CFAP54: variants seen among roughly 807,000 people sequenced by gnomAD.
The protein encoded by CFAP54 is cilia- and flagella-associated protein 54.
Under a neutral mutation model 370.4 loss-of-function variants are expected in CFAP54, and 290 were observed. The observed-to-expected ratio is 0.78, with a 90% CI of 0.71 to 0.86. The LOEUF is 0.86. CFAP54 is among the 40% of genes least tolerant of loss of function. CFAP54 has a pLI of 0.00. For missense variants in CFAP54, 3,399 were observed against 3,528.7 expected, an observed-to-expected ratio of 0.96 and a Z score of 0.93; for synonymous variants, 1,206 against 1,236.5, an observed-to-expected ratio of 0.98 and a Z score of 0.52.
intron 19 of CFAP54, among the ~76,000 whole-genome samples, chr12:96,574,717 G>A (rs1003278565): frequency 6.6e-6 from 1 of 151,996 alleles, no homozygotes; most frequent in African/African-American, 2.4e-5. Context: ...GAAAAAGACA[G>A]TATTATTACA....
At chr12:96,756,221 T>C (rs1349446431) in intron 56 of CFAP54, among the ~76,000 whole-genome samples, 2 of 152,238 alleles carry the variant, frequency 1.3e-5, no homozygotes, top group Non-Finnish European at 1.5e-5. Flanking sequence ...ACCAGTTGTG[T>C]AGGGCAAGCC....
intron 55 of CFAP54, among the ~76,000 whole-genome samples, chr12:96,744,892 C>T (rs1031889557): frequency 2.0e-5 from 3 of 152,100 alleles, no homozygotes; most frequent in African/African-American, 7.2e-5. Flanking sequence ...CATTCCCCCT[C>T]GACGTGTCCA....
At chr12:96,824,246 A>G (rs1959062655) in intron 65 of CFAP54, among the ~76,000 whole-genome samples, 1 of 151,862 alleles carries the variant, frequency 6.6e-6, no homozygotes, top group Admixed American at 6.6e-5. Flanking sequence ...CACAGCCCCA[A>G]CCTCCAGTCA....
chr12:96,621,339 G>A (rs1266159441), intron 26 of CFAP54, among the ~76,000 whole-genome samples: 3 of 152,190 alleles, frequency 2.0e-5, no homozygotes, highest in African/African-American at 7.2e-5. Context: ...GTGGCCCAGA[G>A]ATATGGGAAG....
chr12:96,693,610 A>C, intron 44 of CFAP54, 112 bp from the exon 45 acceptor site: 1 of 631,248 alleles, frequency 1.6e-6, no homozygotes, highest in South Asian at 2.3e-5. Context: ...CTAGCATGGA[A>C]AGCAAATCAG....
chr12:96,718,248 A>C (rs527450976), intron 48 of CFAP54, among the ~76,000 whole-genome samples, 195 bp from the exon 49 acceptor site: 1 of 151,928 alleles, frequency 6.6e-6, no homozygotes, highest in Non-Finnish European at 1.5e-5. Context: ...AGTCCCAGCT[A>C]CTCGGGAGGC....
chr12:96,829,628 A>G (rs1387003115), intron 66 of CFAP54, among the ~76,000 whole-genome samples: 1 of 152,018 alleles, frequency 6.6e-6, no homozygotes, highest in Non-Finnish European at 1.5e-5. Flanking sequence ...TACATATTTC[A>G]TTCTTCTGTA....
intron 17 of CFAP54, among the ~76,000 whole-genome samples, chr12:96,555,671 A>G (rs1955744238): frequency 6.6e-6 from 1 of 151,410 alleles, no homozygotes; most frequent in African/African-American, 2.4e-5. Flanking sequence ...TCTGTAAGGT[A>G]CCAAGGGTTT....
intron 19 of CFAP54, among the ~76,000 whole-genome samples, chr12:96,572,151 A>T (rs1177906934): frequency 1.3e-5 from 2 of 152,216 alleles, no homozygotes; most frequent in Admixed American, 1.3e-4. Flanking sequence ...ACATTGACTG[A>T]ACTTAAAGAG....
chr12:96,820,796 T>G (rs1383738921), intron 65 of CFAP54, among the ~76,000 whole-genome samples: 4 of 152,206 alleles, frequency 2.6e-5, no homozygotes, highest in Admixed American at 1.3e-4. Flanking sequence ...TCAAAAATAA[T>G]TCAGCTCTCT....
intron 32 of CFAP54, among the ~76,000 whole-genome samples, chr12:96,636,773 G>A (rs1488471019): frequency 6.6e-6 from 1 of 152,174 alleles, no homozygotes; most frequent in Non-Finnish European, 1.5e-5. Flanking sequence ...GACCAACGTG[G>A]TGAAACCCCG....
In CFAP54 at chr12:96,614,402, G is replaced by A. The variant is rs368411475; in HGVS notation, c.3640-7188G>A. On this transcript the variant is annotated intron_variant, in intron 26 of 67. Transcript: ENST00000524981. ...GCTATTTATGACAAACCCACAGCCA[G>A]TATCATACTGAATGGGCAAAAACTG... is the stretch of plus-strand genomic sequence containing the variant. Among the ~76,000 whole-genome samples, 69 of 152,100 alleles carry A rather than the reference G, an allele frequency of 4.5e-4. 2 individuals are homozygous for A. The East Asian group carries it at 8.0e-3, about 18-fold the overall frequency.
rs1956765547 is a variant in CFAP54 at position 96,644,245 on chromosome 12, T to C, written c.4384T>C (p.Leu1462=). The C allele has an allele frequency of 5.2e-6, 8 of 1,535,756 alleles. No individual in the cohort carries two copies. The Admixed American group carries it at 7.8e-5, about 15-fold the overall frequency. ...GATGGATTACTTGAATCCTCTAATA[T>C]TAAGTTATGTTAAAAGAAAGAGGTT... The part of the protein sequence containing the change: ...YLMDYLNPLI[L]SYVKRKRFHR... Residue 1462 remains leucine, a synonymous_variant, in exon 33 of 68, where the codon TTA becomes CTA. Transcript: ENST00000524981.
chr12:96,599,237 T>C (rs1956214484), intron 26 of CFAP54, among the ~76,000 whole-genome samples: 1 of 139,832 alleles, frequency 7.2e-6, no homozygotes, highest in Non-Finnish European at 1.5e-5. Context: ...CAGCTCCCAC[T>C]TATGAGTGAG....
intron 19 of CFAP54, among the ~76,000 whole-genome samples, chr12:96,565,302 T>C (rs1955855888): frequency 6.6e-6 from 1 of 152,264 alleles, no homozygotes; most frequent in Middle Eastern, 3.4e-3. Context: ...GGCGCAGTCC[T>C]AGATCACTGC....
chr12:96,756,417 G>A, intron 56 of CFAP54, 41 bp from the exon 57 acceptor site: 1 of 1,240,854 alleles, frequency 8.1e-7, no homozygotes, highest in Non-Finnish European at 1.1e-6. Context: ...CTAAGTGCTA[G>A]AAAAAGGAAA....
chr12:96,578,187 G>A (rs1209473910), intron 20 of CFAP54, among the ~76,000 whole-genome samples: 1 of 152,144 alleles, frequency 6.6e-6, no homozygotes, highest in Non-Finnish European at 1.5e-5. Flanking sequence ...AGGTAATTGA[G>A]GTATAAAGAT....
At chr12:96,548,457 G>A (rs1370406257) in intron 15 of CFAP54, among the ~76,000 whole-genome samples, 1 of 151,948 alleles carries the variant, frequency 6.6e-6, no homozygotes. Context: ...AATTTTAAAA[G>A]TGTTATTTTA....
intron 66 of CFAP54, among the ~76,000 whole-genome samples, chr12:96,840,434 G>C (rs1196159257): frequency 1.3e-5 from 2 of 152,064 alleles, no homozygotes; most frequent in African/African-American, 4.8e-5. Flanking sequence ...TTACATTACT[G>C]TATGATCCTT....
Sources: allele counts gnomAD v4.1 joint callset (sites outside exome capture counted in the v4.1 genomes callset), GRCh38; gene constraint gnomAD v4.1.1; transcripts MANE v1.5; gene names NCBI Gene and HGNC (gene_info 2026-07-23, HGNC 2026-07-21).